The following LRRC37A2 variants were observed in gnomAD, a reference collection of about 807,000 sequenced individuals.
LRRC37A2 encodes the protein leucine rich repeat containing 37 member A2, also known as leucine-rich repeat-containing protein 37A2.
Under a neutral mutation model 68.8 loss-of-function variants are expected in LRRC37A2, and 9 were observed. The observed-to-expected ratio is 0.13, with a 90% CI of 0.08 to 0.23. The LOEUF (loss-of-function observed/expected upper bound fraction) is 0.23. Among genes scored for constraint, LRRC37A2 ranks in the 10% least tolerant of loss-of-function variants. The pLI, the probability that LRRC37A2 is intolerant of heterozygous loss-of-function variation, is 1.00. For synonymous variants in LRRC37A2, 63 were observed against 367.6 expected (o/e 0.17, Z 9.48); for missense variants, 168 against 950.4 (o/e 0.18, Z 10.82).
At chr17:46,985,921 G>A in the LRRC37A2 span, among the ~76,000 whole-genome samples, 5 of 152,100 alleles carry the variant, frequency 3.3e-5, no homozygotes, top group East Asian at 1.9e-4. Flanking sequence ...TCTGTACCTC[G>A]TCTACCCCAA....
chr17:46,944,363 CCT>C, the LRRC37A2 span, among the ~76,000 whole-genome samples: 1 of 152,216 alleles, frequency 6.6e-6, no homozygotes, highest in African/African-American at 2.4e-5. Flanking sequence ...GGGCCACACA[CCT>C]CTCAGCCTCA....
chr17:46,823,492 A>G, the LRRC37A2 span, among the ~76,000 whole-genome samples: 1 of 151,680 alleles, frequency 6.6e-6, no homozygotes, highest in African/African-American at 2.4e-5. Context: ...AGGCTGGAGT[A>G]CAGTGGTGCA....
At chr17:46,924,049 C>G in the LRRC37A2 span, among the ~76,000 whole-genome samples, 1 of 152,214 alleles carries the variant, frequency 6.6e-6, no homozygotes, top group Non-Finnish European at 1.5e-5. Flanking sequence ...TGAGTACATT[C>G]ACAACTTACA....
chr17:47,021,025 C>T, the LRRC37A2 span, among the ~76,000 whole-genome samples: 2 of 151,956 alleles, frequency 1.3e-5, no homozygotes, highest in African/African-American at 4.8e-5. Context: ...AAACGCTTGG[C>T]TACAGGTATG....
At chr17:46,822,557 G>A in the LRRC37A2 span, among the ~76,000 whole-genome samples, 1 of 152,230 alleles carries the variant, frequency 6.6e-6, no homozygotes, top group African/African-American at 2.4e-5. Context: ...CGAGGAAGGG[G>A]TCGCGCCTGG....
At chr17:46,751,582 A>G in the LRRC37A2 span, 9 of 1,613,926 alleles carry the variant, frequency 5.6e-6, no homozygotes, top group East Asian at 2.0e-4. Context: ...ATAGGAATCA[A>G]GAAGTTACTA....
the LRRC37A2 span, among the ~76,000 whole-genome samples, chr17:46,999,913 C>T: frequency 6.7e-6 from 1 of 150,120 alleles, no homozygotes; most frequent in Admixed American, 6.7e-5. Context: ...GCAGGAGAAT[C>T]GCTTGAACCT....
the LRRC37A2 span, among the ~76,000 whole-genome samples, chr17:46,927,213 TA>T: frequency 7.2e-5 from 11 of 152,030 alleles, no homozygotes; most frequent in African/African-American, 1.9e-4. Context: ...TTTTTTCATT[TA>T]AAAAAAATGC....
chr17:46,923,939 T>A, the LRRC37A2 span: 1 of 398,578 alleles, frequency 2.5e-6, no homozygotes, highest in Non-Finnish European at 4.4e-6. Context: ...TACCCTGTTT[T>A]GGAGGGACGG....
At chr17:46,725,253 C>T in the LRRC37A2 span, among the ~76,000 whole-genome samples, 1 of 152,314 alleles carries the variant, frequency 6.6e-6, no homozygotes, top group South Asian at 2.1e-4. Context: ...GAATTCTGTT[C>T]TGTGCTGGGC....
the LRRC37A2 span, among the ~76,000 whole-genome samples, chr17:46,497,409 A>G: frequency 2.4e-4 from 35 of 146,226 alleles, no homozygotes; most frequent in African/African-American, 7.4e-4. Context: ...GATTAACTGA[A>G]TATTTTTTAG....
At chr17:46,768,831 A>G in the LRRC37A2 span, 2 of 1,606,082 alleles carry the variant, frequency 1.2e-6, no homozygotes. This position sits in a 1 kb window ranked among gnomAD's most constrained non-coding sequence, Gnocchi z 5.0. Flanking sequence ...TGGCCAACAG[A>G]CCGACCCCAC....
chr17:46,766,802 G>GCACTCTACC, the LRRC37A2 span, among the ~76,000 whole-genome samples: 1 of 152,130 alleles, frequency 6.6e-6, no homozygotes, highest in Non-Finnish European at 1.5e-5. Flanking sequence ...GGAAGAGGGG[G>GCACTCTACC]CACTCTACCC....
the LRRC37A2 span, among the ~76,000 whole-genome samples, chr17:46,945,862 A>G: frequency 6.6e-6 from 1 of 152,182 alleles, no homozygotes; most frequent in African/African-American, 2.4e-5. Context: ...AACCCTGGAG[A>G]TAAACCCCTG....
chr17:46,382,070 G>A, the LRRC37A2 span, among the ~76,000 whole-genome samples: 1 of 140,044 alleles, frequency 7.1e-6, no homozygotes, highest in East Asian at 2.0e-4. Context: ...CCTGAGGTCG[G>A]GAGTTCGAGA....
chr17:46,852,800 C>A, the LRRC37A2 span, among the ~76,000 whole-genome samples: 1 of 152,046 alleles, frequency 6.6e-6, no homozygotes, highest in Non-Finnish European at 1.5e-5. Flanking sequence ...AAGTGACCTG[C>A]TAGAGGCTGC....
At chr17:46,751,746 T>C in the LRRC37A2 span, 2 of 562,118 alleles carry the variant, frequency 3.6e-6, no homozygotes, top group African/African-American at 1.9e-5. Flanking sequence ...TTTCCAAACT[T>C]AATTTGGTAT....
the LRRC37A2 span, among the ~76,000 whole-genome samples, chr17:46,731,755 T>C: frequency 6.6e-6 from 1 of 152,192 alleles, no homozygotes; most frequent in Non-Finnish European, 1.5e-5. Context: ...CTGAAGGGAA[T>C]ACCATCTGGT....
chr17:46,797,499 G>C, the LRRC37A2 span, among the ~76,000 whole-genome samples: 1 of 152,220 alleles, frequency 6.6e-6, no homozygotes, highest in Admixed American at 6.5e-5. Context: ...GGCTTGCCTC[G>C]GGCGGGAAGA....
Sources: gnomAD v4.1 joint callset for allele counts (sites outside exome capture counted in the v4.1 genomes callset) on GRCh38, gnomAD v4.1.1 for gene constraint, Gnocchi (gnomAD v3.1) non-coding constraint, MANE v1.5 for transcripts, NCBI Gene and HGNC (gene_info 2026-07-23, HGNC 2026-07-21) for gene names.